Variants in NPAS2 observed in about 807,000 individuals in gnomAD.
NPAS2 encodes neuronal PAS domain protein 2.
A neutral mutation model predicts 107.5 loss-of-function variants in NPAS2; 23 were observed. That is an observed-to-expected ratio of 0.21 (90% CI 0.15 to 0.30). The LOEUF is 0.30. Ranked by LOEUF, NPAS2 falls within the 10% of genes least tolerant of loss-of-function variation. The pLI is 1.00. For synonymous variants in NPAS2, 403 were observed against 417.5 expected (o/e 0.97, Z 0.42); for missense variants, 756 against 1,043.3 (o/e 0.72, Z 3.79).
chr2:100,926,097 G>C (rs1387940992), intron 3 of NPAS2, among the ~76,000 whole-genome samples: 1 of 152,084 alleles, frequency 6.6e-6, no homozygotes, highest in Non-Finnish European at 1.5e-5. Flanking sequence ...TAGCATGTGT[G>C]AGTACTTCAT....
chr2:100,965,826 C>A lies in NPAS2; in HGVS notation c.907+60C>A. The stretch of plus-strand genomic sequence containing the variant: ...TTGCGTTCACTCCACTGGGGCCCAG[C>A]AGCAGGGCTCTGGGACTCCAGAAGC... On this transcript the variant is annotated intron_variant, in intron 10 of 20. Coordinates refer to ENST00000335681, the MANE Select transcript of NPAS2 (RefSeq NM_002518.4). This position sits in a 1 kb window ranked among gnomAD's most constrained non-coding sequence, Gnocchi z 4.3. The A allele has an allele frequency of 1.9e-6, 2 of 1,073,778 alleles. No homozygotes were observed. Among genetic ancestry groups the A allele is most frequent in the Non-Finnish European group, 1.4e-6 (1 of 705,968 alleles). 66.5% of individuals were successfully genotyped at this position (1,073,778 alleles called of 1,614,324 possible). A position where few individuals can be genotyped will look rare whatever the true frequency, so the allele number is the denominator to read the frequency against.
chr2:100,971,692 T>C (rs1479409378), intron 12 of NPAS2, among the ~76,000 whole-genome samples: 1 of 152,156 alleles, frequency 6.6e-6, no homozygotes, highest in Non-Finnish European at 1.5e-5. Flanking sequence ...TCTTCCATCC[T>C]TCCTTCCACA....
At chr2:100,946,733 G>A (rs1362423097) in intron 5 of NPAS2, among the ~76,000 whole-genome samples, 1 of 152,146 alleles carries the variant, frequency 6.6e-6, no homozygotes, top group Non-Finnish European at 1.5e-5. Flanking sequence ...AGACCAGTTT[G>A]GCCAAATCAT....
Position 100,965,591 on chromosome 2 carries a change from C to T in NPAS2, c.801-69C>T, listed in dbSNP as rs1174296201. The T allele has an allele frequency of 3.2e-6, 3 of 941,242 alleles. No homozygotes were observed. In the African/African-American group the frequency reaches 4.9e-5, roughly 16 times the overall value. The allele number at this position is 941,242 out of a possible 1,614,324, so 58.3% of individuals were successfully genotyped here. The stretch of plus-strand genomic sequence containing the variant: ...CTCCATGTTGATCATTATGGAAAGG[C>T]ATGGCCACCAGGGTGAGCCCTGCAG... On this transcript the variant is annotated intron_variant, in intron 9 of 20. Transcript: ENST00000335681. The surrounding 1 kb of genome is among the most constrained non-coding windows in gnomAD (Gnocchi z 4.3).
chr2:100,839,690 C>G (rs569710507), intron 1 of NPAS2, among the ~76,000 whole-genome samples: 1 of 152,008 alleles, frequency 6.6e-6, no homozygotes, highest in Non-Finnish European at 1.5e-5. Context: ...AGTTGGTGCC[C>G]CTGACCCCTG....
chr2:100,899,557 C>T (rs749531118), intron 1 of NPAS2, among the ~76,000 whole-genome samples: 4 of 152,022 alleles, frequency 2.6e-5, no homozygotes, highest in Non-Finnish European at 2.9e-5. Context: ...ATCAGTGTTG[C>T]GACAAATGCA....
Position 100,944,464 on chromosome 2 carries a change from C to T in NPAS2, c.364-3771C>T, listed in dbSNP as rs536578024. On this transcript the variant is annotated intron_variant, in intron 5 of 20. Transcript: ENST00000335681. ...CACCTCCACAGGCAGGTGACCTTCC[C>T]GATCGTGGGACTCGGCTGTAAAGAC... 3.4e-4 allele frequency among the ~76,000 whole-genome samples: 51 copies of T among 152,222 alleles called. No individual in the cohort carries two copies. The East Asian group carries it at 7.4e-3, about 22-fold the overall frequency.
chr2:100,844,202 C>A (rs781288700), intron 1 of NPAS2, among the ~76,000 whole-genome samples: 1 of 152,128 alleles, frequency 6.6e-6, no homozygotes, highest in Non-Finnish European at 1.5e-5. Flanking sequence ...CAGCAACCAC[C>A]ATGCCCAGCT....
chr2:100,877,972 T>C (rs2104614162), intron 1 of NPAS2: 3 of 985,422 alleles, frequency 3.0e-6, no homozygotes, highest in Non-Finnish European at 3.6e-6. Context: ...TGGAAACTTA[T>C]AGTCTGGGGC....
intron 2 of NPAS2, among the ~76,000 whole-genome samples, chr2:100,918,392 ATTG>A (rs1415655092): frequency 6.6e-6 from 1 of 152,186 alleles, no homozygotes; most frequent in African/African-American, 2.4e-5. Flanking sequence ...AAGAGAAAAA[ATTG>A]TTAAACCTGG....
chr2:100,906,617 G>A (rs960220064), intron 2 of NPAS2, among the ~76,000 whole-genome samples: 1 of 152,152 alleles, frequency 6.6e-6, no homozygotes, highest in African/African-American at 2.4e-5. Flanking sequence ...GTGTGATGGA[G>A]TCTCACCCTG....
chr2:100,851,721 A>G (rs189300816), intron 1 of NPAS2, among the ~76,000 whole-genome samples: 10 of 152,370 alleles, frequency 6.6e-5, no homozygotes, highest in African/African-American at 1.9e-4. Context: ...GCATGATCTC[A>G]ACTATGCAAA....
chr2:100,829,152 T>C (rs1676570626), intron 1 of NPAS2, among the ~76,000 whole-genome samples: 2 of 151,752 alleles, frequency 1.3e-5, no homozygotes, highest in Non-Finnish European at 2.9e-5. Context: ...TATATTTTAA[T>C]GGCTGCTGCA....
chr2:100,875,109 G>C (rs1679871481), intron 1 of NPAS2, among the ~76,000 whole-genome samples: 1 of 152,220 alleles, frequency 6.6e-6, no homozygotes, highest in Non-Finnish European at 1.5e-5. Flanking sequence ...CCTTGAAAAG[G>C]AAGGAAATTC....
intron 2 of NPAS2, among the ~76,000 whole-genome samples, chr2:100,910,788 A>G (rs765805193): frequency 6.6e-6 from 1 of 152,244 alleles, no homozygotes. Flanking sequence ...TCAGCCTCCC[A>G]TAATGTTGGG....
chr2:100,972,690 C>T (rs1676664884), intron 12 of NPAS2: 1 of 152,226 alleles, frequency 6.6e-6, no homozygotes, highest in Non-Finnish European at 1.5e-5. Context: ...TGTGTCACAC[C>T]ATACATTATG....
At chr2:100,930,886 A>T (rs1295742023) in intron 3 of NPAS2, among the ~76,000 whole-genome samples, 2 of 152,212 alleles carry the variant, frequency 1.3e-5, no homozygotes, top group African/African-American at 4.8e-5. Context: ...GTTAGTCTAT[A>T]GTTTGATCCT....
chr2:100,904,927 T>C lies in NPAS2; in HGVS notation c.32+141T>C. The C allele has an allele frequency of 6.0e-6, 4 of 666,890 alleles. No homozygotes were observed. The East Asian group carries it at 1.0e-4, about 17-fold the overall frequency. The allele number at this position is 666,890 out of a possible 1,614,324, so 41.3% of individuals were successfully genotyped here. A position where few individuals can be genotyped will look rare whatever the true frequency, so the allele number is the denominator to read the frequency against. Reference sequence around the variant, plus strand: ...TGTAGGACACACTCTCTGTGACATATTGCAGTGCTCCATGAGAAACCTTCT... The same window carrying C: ...TGTAGGACACACTCTCTGTGACATACTGCAGTGCTCCATGAGAAACCTTCT... On this transcript the variant is annotated intron_variant, in intron 2 of 20. Coordinates refer to ENST00000335681, the MANE Select transcript of NPAS2 (RefSeq NM_002518.4).
In NPAS2 at chr2:100,907,090, C is replaced by T. The variant is rs12479086; in HGVS notation, c.32+2304C>T. ...GGAGTTTTACTTTTGCTGTTGTCATCTTTAATATCACCCTCCAAACCCCTT... is the reference window on the plus strand; with the variant it reads ...GGAGTTTTACTTTTGCTGTTGTCATTTTTAATATCACCCTCCAAACCCCTT... On this transcript the variant is annotated intron_variant, in intron 2 of 20. Coordinates refer to ENST00000335681, the MANE Select transcript of NPAS2 (RefSeq NM_002518.4). Among the ~76,000 whole-genome samples, 992 of 152,252 alleles carry T rather than the reference C, an allele frequency of 6.5e-3. 58 individuals are homozygous for T. In the East Asian group the frequency reaches 0.15, roughly 23 times the overall value.
Sources: gnomAD v4.1 joint callset for allele counts (sites outside exome capture counted in the v4.1 genomes callset) on GRCh38, gnomAD v4.1.1 for gene constraint, Gnocchi (gnomAD v3.1) non-coding constraint, MANE v1.5 for transcripts, NCBI Gene and HGNC (gene_info 2026-07-23, HGNC 2026-07-21) for gene names.